Variants in GLIS3 observed in about 807,000 individuals in gnomAD.
GLIS3 encodes GLIS family zinc finger 3.
GLIS3 carries 53 observed loss-of-function variants against 78.6 expected under a neutral mutation model. The observed-to-expected ratio is 0.67, with a 90% CI of 0.54 to 0.85. The LOEUF (loss-of-function observed/expected upper bound fraction) is 0.85. Ranked by LOEUF, GLIS3 falls within the 40% of genes least tolerant of loss-of-function variation. The pLI is 0.00. For missense variants in GLIS3, 1,703 were observed against 1,231.1 expected (o/e 1.38, Z -5.74); for synonymous variants, 684 against 509.9 (o/e 1.34, Z -4.60).
chr9:3,890,351 C>G (rs996361457), intron 7 of GLIS3, among the ~76,000 whole-genome samples: 2 of 152,120 alleles, frequency 1.3e-5, no homozygotes, highest in African/African-American at 4.8e-5. Context: ...GACTTAAATT[C>G]TTCTTGGAAG....
intron 8 of GLIS3, among the ~76,000 whole-genome samples, chr9:3,860,775 T>A (rs1337967029): frequency 6.6e-6 from 1 of 152,194 alleles, no homozygotes; most frequent in Admixed American, 6.5e-5. Flanking sequence ...CACTGAAGGT[T>A]CTAAAGTCCA....
intron 2 of GLIS3, among the ~76,000 whole-genome samples, chr9:4,184,714 C>A (rs1365421594): frequency 6.6e-6 from 1 of 152,222 alleles, no homozygotes; most frequent in Non-Finnish European, 1.5e-5. Context: ...GCAGATTTCT[C>A]TGTGTGGATG....
In GLIS3 at chr9:4,335,562, C is replaced by T. The variant is rs1817743933; in HGVS notation, n.264+11519G>A. Among the ~76,000 whole-genome samples, 2 of 152,318 alleles carry T rather than the reference C, an allele frequency of 1.3e-5. 1 individual carries two copies. Among genetic ancestry groups the T allele is most frequent in the South Asian group, 4.1e-4 (2 of 4,824 alleles). ...AGGCAGAATTCAGTGGTTCTGGTGT[C>T]TATCTCCCTCACCAGCCCTGGGGAT... On this transcript the variant is annotated intron_variant and non_coding_transcript_variant, in intron 2 of 4. Coordinates refer to the GLIS3 transcript ENST00000471664.
In GLIS3 at chr9:4,216,248, A is replaced by G. The variant is rs1046345512; in HGVS notation, c.388+69790T>C. ...AGCACTTTGGGAGGCCGAGGTGGGC[A>G]GATCATGAGGTCAGGAAATCGAGAC... On this transcript the variant is annotated intron_variant, in intron 2 of 10. Coordinates refer to ENST00000381971, the MANE Select transcript of GLIS3 (RefSeq NM_001042413.2). Among the ~76,000 whole-genome samples the G allele has an allele frequency of 1.6e-4, 25 of 152,240 alleles. No homozygotes were observed. In the East Asian group the frequency reaches 1.7e-3, roughly 11 times the overall value.
chr9:4,041,541 C>T (rs146253771), intron 4 of GLIS3, among the ~76,000 whole-genome samples: 174 of 152,294 alleles, frequency 1.1e-3, no homozygotes, highest in Non-Finnish European at 2.2e-3. Context: ...GTGTGTGTGT[C>T]TCTGTGATGT....
At chr9:3,993,212 C>T (rs951569022) in intron 4 of GLIS3, among the ~76,000 whole-genome samples, 1 of 152,196 alleles carries the variant, frequency 6.6e-6, no homozygotes, top group Non-Finnish European at 1.5e-5. Flanking sequence ...ACATACCTGA[C>T]TCTGCCATTG....
upstream of GLIS3, among the ~76,000 whole-genome samples, chr9:4,303,746 C>T (rs1817154246): frequency 6.6e-6 from 1 of 152,108 alleles, no homozygotes; most frequent in Admixed American, 6.5e-5. Flanking sequence ...TTTATACAAA[C>T]CAAGCTGAGA....
At chr9:4,091,800 C>T (rs935513319) in intron 4 of GLIS3, among the ~76,000 whole-genome samples, 4 of 152,150 alleles carry the variant, frequency 2.6e-5, no homozygotes, top group African/African-American at 9.7e-5. Flanking sequence ...ATTACCCAGT[C>T]TCGGGCAGTT....
Position 4,055,566 on chromosome 9 carries a change from G to C in GLIS3, c.1710+62202C>G, listed in dbSNP as rs142687816. 4.8e-3 allele frequency among the ~76,000 whole-genome samples: 727 copies of C among 152,278 alleles called. 4 individuals are homozygous for C. Among genetic ancestry groups the C allele is most frequent in the African/African-American group, 0.016 (685 of 41,558 alleles). On this transcript the variant is annotated intron_variant, in intron 4 of 10. Coordinates refer to ENST00000381971, the MANE Select transcript of GLIS3 (RefSeq NM_001042413.2). ...TTGTGACATCAAACCTCCTCAGAAG[G>C]CTTGCAGGACCTTCCTACAGAAGGT...
intron 2 of GLIS3, among the ~76,000 whole-genome samples, chr9:4,279,905 AC>A (rs1205446292): frequency 2.6e-5 from 4 of 152,120 alleles, no homozygotes; most frequent in Admixed American, 1.3e-4. Context: ...GAAAAAAAAA[AC>A]AGCTATAAAG....
At chr9:4,448,631 A>G in the GLIS3 span, among the ~76,000 whole-genome samples, 1 of 152,216 alleles carries the variant, frequency 6.6e-6, no homozygotes, top group South Asian at 2.1e-4. Context: ...AGGTGTGACC[A>G]CATAACTTGT....
the GLIS3 span, among the ~76,000 whole-genome samples, chr9:4,444,389 G>A: frequency 6.6e-6 from 1 of 152,158 alleles, no homozygotes; most frequent in Non-Finnish European, 1.5e-5. Context: ...TAACCTTCCT[G>A]TCTGCATTAG....
At chr9:4,383,242 C>T in the GLIS3 span, among the ~76,000 whole-genome samples, 1 of 152,196 alleles carries the variant, frequency 6.6e-6, no homozygotes, top group Non-Finnish European at 1.5e-5. Flanking sequence ...CAGAAAAAAA[C>T]GCTTAACGAA....
At chr9:4,233,529 A>C (rs934329271) in intron 2 of GLIS3, among the ~76,000 whole-genome samples, 9 of 152,218 alleles carry the variant, frequency 5.9e-5, no homozygotes, top group Non-Finnish European at 8.8e-5. Flanking sequence ...CAGAGGACTT[A>C]AAATACTCAG....
In GLIS3 at chr9:4,045,014, G is replaced by C. The variant is rs182957584; in HGVS notation, c.1710+72754C>G. Among the ~76,000 whole-genome samples, 67 of 152,282 alleles carry C rather than the reference G, an allele frequency of 4.4e-4. No homozygotes were observed. The East Asian group carries it at 0.013, about 28-fold the overall frequency. On this transcript the variant is annotated intron_variant, in intron 4 of 10. Transcript: ENST00000381971. Reference sequence around the variant, plus strand: ...TGGTAGTGCAGGCATAAAAAACAAGGCAGAGAACAGAGCAGAGTCTGTTTT... The same window carrying C: ...TGGTAGTGCAGGCATAAAAAACAAGCCAGAGAACAGAGCAGAGTCTGTTTT...
chr9:4,107,477 G>C (rs998911272), intron 4 of GLIS3, among the ~76,000 whole-genome samples: 2 of 152,140 alleles, frequency 1.3e-5, no homozygotes, highest in African/African-American at 4.8e-5. Flanking sequence ...AGAGCCATTA[G>C]ATTGAAGGAT....
chr9:4,337,444 C>A (rs975501793), intron 2 of GLIS3, among the ~76,000 whole-genome samples: 11 of 152,118 alleles, frequency 7.2e-5, no homozygotes, highest in Admixed American at 3.9e-4. Flanking sequence ...CAAAATCGTA[C>A]GGACAGTATT....
chr9:4,268,701 C>A (rs1826232218), intron 2 of GLIS3, among the ~76,000 whole-genome samples: 1 of 152,160 alleles, frequency 6.6e-6, no homozygotes, highest in South Asian at 2.1e-4. Context: ...GGTGGTGATA[C>A]CCCACAGAGA....
At chr9:3,898,023 A>G (rs975374301) in intron 7 of GLIS3, among the ~76,000 whole-genome samples, 4 of 152,254 alleles carry the variant, frequency 2.6e-5, no homozygotes, top group African/African-American at 7.2e-5. Context: ...TTGCATAAGT[A>G]TATCACCATT....
Sources: gnomAD v4.1 joint callset for allele counts (sites outside exome capture counted in the v4.1 genomes callset) on GRCh38, gnomAD v4.1.1 for gene constraint, MANE v1.5 for transcripts, NCBI Gene and HGNC (gene_info 2026-07-23, HGNC 2026-07-21) for gene names.